CYFIP1: variants seen among roughly 807,000 people sequenced by gnomAD.
CYFIP1 encodes cytoplasmic FMR1-interacting protein 1.
In CYFIP1, 58 loss-of-function variants were observed where a neutral mutation model predicts 163.5. The ratio of observed to expected loss-of-function variants is 0.35; its 90% CI spans 0.29 to 0.44. The LOEUF (loss-of-function observed/expected upper bound fraction) is 0.44, where lower values mean the gene tolerates loss of function less well. Ranked by LOEUF, CYFIP1 falls within the 20% of genes least tolerant of loss-of-function variation. The pLI is 1.00. For missense variants in CYFIP1, 1,338 were observed against 1,653.8 expected (o/e 0.81, Z 3.31); for synonymous variants, 663 against 660.7 (o/e 1.00, Z -0.05).
chr15:22,888,741 A>C (rs1159261445), intron 23 of CYFIP1, among the ~76,000 whole-genome samples: 1 of 146,490 alleles, frequency 6.8e-6, no homozygotes, highest in Non-Finnish European at 1.5e-5. Flanking sequence ...CTCAAAAAAA[A>C]AAAAAATTAC....
At chr15:22,919,012 T>C (rs573417511) in intron 13 of CYFIP1, among the ~76,000 whole-genome samples, 154 bp from the exon 14 acceptor site, 1 of 152,076 alleles carries the variant, frequency 6.6e-6, no homozygotes, top group Non-Finnish European at 1.5e-5. Flanking sequence ...AAACGTCTTC[T>C]CCAAAGCCAT....
chr15:22,979,294 G>C (rs1430062016), intron 1 of CYFIP1, among the ~76,000 whole-genome samples: 1 of 152,098 alleles, frequency 6.6e-6, no homozygotes, highest in South Asian at 2.1e-4. Flanking sequence ...CGCGGGTCCC[G>C]GCCTGGCCGG....
At chr15:22,912,125 G>T in intron 18 of CYFIP1, 54 bp downstream of exon 18, 1 of 1,468,234 alleles carries the variant, frequency 6.8e-7, no homozygotes, top group Non-Finnish European at 9.4e-7. Context: ...AACAAAAAGA[G>T]AAAGGAGATT....
rs1454793437 is a variant in CYFIP1 at position 22,939,410 on chromosome 15, C to T, written c.666+1G>A. 1 of 1,614,070 alleles carries T rather than the reference C, an allele frequency of 6.2e-7. No homozygotes were observed. On this transcript the variant is annotated splice_donor_variant, in intron 7 of 30. Transcript: ENST00000617928. LOFTEE classifies it high-confidence loss of function. ...CCTGAGTGTGCAAACACCAGCCTTA[C>T]CTGTGTGATCTTGTTATGATTGGCC...
chr15:22,941,616 T>C (rs920653851), intron 6 of CYFIP1, among the ~76,000 whole-genome samples: 1 of 151,774 alleles, frequency 6.6e-6, no homozygotes, highest in Non-Finnish European at 1.5e-5. Flanking sequence ...GGGTCCCAGA[T>C]AGAGGTCAGA....
In CYFIP1 at chr15:22,943,321, T is replaced by C; in HGVS notation, c.421A>G (p.Arg141Gly). 6.2e-7 allele frequency: 1 copy of C among 1,614,138 alleles called. No individual in the cohort carries two copies. Among genetic ancestry groups the C allele is most frequent in the African/African-American group, 1.3e-5 (1 of 75,052 alleles). ...CTCCTCTCGGCATGGCACAGGCGCC[T>C]CACTTCCCCGCAGAAACGCTCAATG... The part of the protein sequence containing the change: ...NAIERFCGEV[R>G]RLCHAERRKD... The change falls in exon 6 of 31, where the codon AGG becomes GGG. Residue 141 changes from arginine to glycine, a missense_variant. Physicochemically the swap from Arg to Gly is moderately radical, Grantham distance 125 (BLOSUM62 -2). This residue lies in a region of CYFIP1 where 186 missense variants were observed against 288.3 expected (regional missense o/e 0.65). Transcript: ENST00000617928.
chr15:22,905,822 C>T (rs1423797905), intron 21 of CYFIP1, among the ~76,000 whole-genome samples: 2 of 151,152 alleles, frequency 1.3e-5, no homozygotes, highest in Non-Finnish European at 2.9e-5. Flanking sequence ...TACAGTGGAA[C>T]GATCTCGGCT....
chr15:22,929,109 A>G (rs894295639), intron 11 of CYFIP1, among the ~76,000 whole-genome samples: 3 of 151,692 alleles, frequency 2.0e-5, no homozygotes, highest in Non-Finnish European at 4.4e-5. Context: ...AATCTCAGCT[A>G]CTCGGGAAGC....
chr15:22,954,331 C>G (rs1255432753), intron 1 of CYFIP1, among the ~76,000 whole-genome samples: 1 of 152,172 alleles, frequency 6.6e-6, no homozygotes, highest in African/African-American at 2.4e-5. Context: ...TTAATGGTAG[C>G]CCTGGCAAAT....
intron 22 of CYFIP1, among the ~76,000 whole-genome samples, chr15:22,897,292 A>G (rs2060266666): frequency 6.6e-6 from 1 of 152,002 alleles, no homozygotes; most frequent in Admixed American, 6.5e-5. Context: ...TATCTAACTG[A>G]AATCCAGAAT....
At position 22,936,393 on chromosome 15, in the gene CYFIP1, C is replaced by A. The variant is rs558469906; in HGVS notation, c.900+711G>T. ...GGGAACACGCTAATAACATGGAAAG[C>A]CATTAGGGAAACATGAACGAAACAC... is the stretch of plus-strand genomic sequence containing the variant. On this transcript the variant is annotated intron_variant, in intron 9 of 30. Transcript: ENST00000617928. Among the ~76,000 whole-genome samples, 115 of 152,256 alleles carry A rather than the reference C, an allele frequency of 7.6e-4. 1 individual carries two copies. The highest frequency in any genetic ancestry group is 3.4e-3 in the Middle Eastern group (1 of 294).
rs141801648 is a variant in CYFIP1, at chr15:22,909,269, G to A, written c.2313C>T (p.Arg771=). 8.9e-4 allele frequency: 1,440 copies of A among 1,614,142 alleles called. 16 individuals carry two copies. The South Asian group carries it at 0.011, about 12-fold the overall frequency. ...GGGACTTATACATGGCTGCTGAGAC[G>A]CGCTGGGTGATCAGACGATTGAGGT... The part of the protein sequence containing the change: ...SIDLNRLITQ[R]VSAAMYKSLE... Residue 771 remains arginine (R), a synonymous_variant, in exon 21 of 31, where the codon CGC becomes CGT. Transcript: ENST00000617928.
chr15:22,913,212 A>G (rs953847459), intron 17 of CYFIP1, among the ~76,000 whole-genome samples: 6 of 150,110 alleles, frequency 4.0e-5, no homozygotes, highest in African/African-American at 7.4e-5. Flanking sequence ...GGGGAAAAAA[A>G]AAAAGAATGA....
intron 21 of CYFIP1, among the ~76,000 whole-genome samples, chr15:22,908,355 C>G (rs1347508587): frequency 6.6e-6 from 1 of 151,816 alleles, no homozygotes; most frequent in Non-Finnish European, 1.5e-5. Context: ...ACGTTGGCCC[C>G]GAACACACAT....
Position 22,869,364 on chromosome 15 carries a change from T to G in CYFIP1, c.*664A>C, listed in dbSNP as rs988582568. 6 of 152,130 alleles carry G rather than the reference T, an allele frequency of 3.9e-5. No individual in the cohort carries two copies. Among genetic ancestry groups the G allele is most frequent in the Non-Finnish European group, 7.3e-5 (5 of 68,048 alleles). The allele number at this position is 152,130 out of a possible 1,614,324, so 9.4% of individuals were successfully genotyped here. A position where few individuals can be genotyped will look rare whatever the true frequency, so the allele number is the denominator to read the frequency against. On this transcript the variant is annotated 3_prime_UTR_variant, in exon 31 of 31. Transcript: ENST00000617928. ...TCACGGTCCCATCCCACCTCAGCCT[T>G]AGAGGTGACCTCCATCCCAGCTGGC...
chr15:22,951,190 C>T lies in CYFIP1; in HGVS notation c.-6-3899G>A, dbSNP rs76390040. 9.2e-3 allele frequency among the ~76,000 whole-genome samples: 1,394 copies of T among 152,302 alleles called. 51 individuals carry two copies. The East Asian group carries it at 0.12, about 14-fold the overall frequency. On this transcript the variant is annotated intron_variant, in intron 1 of 30. Transcript: ENST00000617928. ...GGAACTGACTGGAAATGAGGGAGAACAGAGGCACCGGCCGCACCGCCAGCC... is the reference window on the plus strand; with the variant it reads ...GGAACTGACTGGAAATGAGGGAGAATAGAGGCACCGGCCGCACCGCCAGCC...
In CYFIP1 at chr15:22,873,727, T is replaced by G. The variant is rs1235808376; in HGVS notation, c.3213A>C (p.Gln1071His). The change falls in exon 29 of 31, where the codon CAA becomes CAC. Residue 1071 changes from glutamine (Q) to histidine (H), a missense_variant and splice_region_variant. Around this residue, in one of 4 missense-constraint regions of CYFIP1, gnomAD observed 306 missense variants for 322.1 expected, o/e 0.95. Transcript: ENST00000617928. Reference sequence around the variant, plus strand: ...GGTCCCCCTCTCTTGCGATGGCAATTTGCTGCAGAAAGGACAAGCCGTGGA... The same window carrying G: ...GGTCCCCCTCTCTTGCGATGGCAATGTGCTGCAGAAAGGACAAGCCGTGGA... ...PLIERLGTPQ[Q>H]IAIAREGDLL... is the part of the protein sequence containing the mutation. 1.2e-6 allele frequency: 2 copies of G among 1,611,246 alleles called. No individual in the cohort carries two copies. The highest frequency in any genetic ancestry group is 8.5e-7 in the Non-Finnish European group (1 of 1,177,808).
At chr15:22,925,861 G>T in intron 13 of CYFIP1, 121 bp downstream of exon 13, 1 of 1,411,020 alleles carries the variant, frequency 7.1e-7, no homozygotes, top group Non-Finnish European at 9.7e-7. Flanking sequence ...CAGATGGAAA[G>T]GGGTGCCCAC....
At chr15:22,897,326 AAG>A (rs747728432) in intron 22 of CYFIP1, among the ~76,000 whole-genome samples, 3 of 152,006 alleles carry the variant, frequency 2.0e-5, no homozygotes, top group African/African-American at 7.2e-5. Context: ...AGAAAAAAAA[AAG>A]AGAGAGTGTT....
Sources: allele counts gnomAD v4.1 joint callset (sites outside exome capture counted in the v4.1 genomes callset), GRCh38; gene constraint gnomAD v4.1.1; regional missense constraint gnomAD v4.1.1; transcripts MANE v1.5; gene names NCBI Gene and HGNC (gene_info 2026-07-23, HGNC 2026-07-21).